ERLIN2: variants seen among roughly 807,000 people sequenced by gnomAD.
ERLIN2 encodes the protein ER lipid raft associated 2.
Under a neutral mutation model 41.5 loss-of-function variants are expected in ERLIN2, and 22 were observed. That is an observed-to-expected ratio of 0.53 (90% confidence interval 0.38 to 0.76). The LOEUF (loss-of-function observed/expected upper bound fraction) is 0.76, where lower values mean the gene tolerates loss of function less well. ERLIN2 is among the 30% of genes least tolerant of loss of function. The pLI, the probability that ERLIN2 is intolerant of heterozygous loss-of-function variation, is 0.00. For missense variants in ERLIN2, 247 were observed against 414.3 expected (o/e 0.60, Z 3.51); for synonymous variants, 149 against 150.9 (o/e 0.99, Z 0.09).
intron 10 of ERLIN2, among the ~76,000 whole-genome samples, chr8:37,752,817 G>A (rs1803252590): frequency 6.6e-6 from 1 of 152,220 alleles, no homozygotes; most frequent in South Asian, 2.1e-4. Flanking sequence ...ATCCAAACAC[G>A]TGTTGGTCTG....
intron 9 of ERLIN2, 71 bp downstream of exon 9, chr8:37,750,557 C>T: frequency 7.6e-7 from 1 of 1,324,140 alleles, no homozygotes; most frequent in South Asian, 1.2e-5. Flanking sequence ...TGCAAGGAGG[C>T]TAAGGCCTGG....
chr8:37,737,091 A>T, intron 1 of ERLIN2: 1 of 571,110 alleles, frequency 1.8e-6, no homozygotes, highest in Non-Finnish European at 2.2e-6. Flanking sequence ...TCACGGGCCC[A>T]CGCACGCACA....
At chr8:37,753,135 G>A (rs1313867665) in intron 10 of ERLIN2, among the ~76,000 whole-genome samples, 2 of 152,206 alleles carry the variant, frequency 1.3e-5, no homozygotes, top group African/African-American at 2.4e-5. Flanking sequence ...GACAGGAAGC[G>A]CTTCTGGCTA....
At chr8:37,745,402 A>C in intron 6 of ERLIN2, 1 of 678,320 alleles carries the variant, frequency 1.5e-6, no homozygotes, top group Non-Finnish European at 2.6e-6. Flanking sequence ...CCTTTTTCAA[A>C]GTAAAGGCAA....
rs1258010286 is a variant in ERLIN2, at chr8:37,755,578, C to G, written c.*1463C>G. The G allele has an allele frequency of 7.9e-6, 1 of 126,892 alleles. No individual in the cohort carries two copies. The highest frequency in any genetic ancestry group is 1.7e-5 in the Non-Finnish European group (1 of 58,164). 7.9% of individuals were successfully genotyped at this position (126,892 alleles called of 1,614,324 possible). A position where few individuals can be genotyped will look rare whatever the true frequency, so the allele number is the denominator to read the frequency against. On this transcript the variant is annotated 3_prime_UTR_variant, in exon 12 of 12. Coordinates refer to ENST00000519638, the MANE Select transcript of ERLIN2 (RefSeq NM_007175.8). Reference sequence around the variant, plus strand: ...CCACCCCCCACCCCCCACCCCCCCCCCCCGCCAACTCCTATACCCATCTTC... The same window carrying G: ...CCACCCCCCACCCCCCACCCCCCCCGCCCGCCAACTCCTATACCCATCTTC...
intron 4 of ERLIN2, among the ~76,000 whole-genome samples, chr8:37,743,649 G>A (rs966348225): frequency 1.3e-5 from 2 of 152,166 alleles, no homozygotes; most frequent in South Asian, 4.1e-4. Context: ...AATAAGGACT[G>A]GGTATTAGGT....
chr8:37,743,990 A>C (rs1802947371), intron 4 of ERLIN2, among the ~76,000 whole-genome samples: 1 of 152,244 alleles, frequency 6.6e-6, no homozygotes, highest in African/African-American at 2.4e-5. Context: ...TGATCATAAC[A>C]TTCCACAGTA....
chr8:37,749,746 C>T (rs774010729), intron 7 of ERLIN2, 48 bp from the exon 8 acceptor site: 6 of 1,593,104 alleles, frequency 3.8e-6, no homozygotes, highest in South Asian at 2.2e-5. Flanking sequence ...GGGTGTGTCC[C>T]TCACTACCCT....
At chr8:37,751,984 A>G (rs1803227959) in intron 10 of ERLIN2, among the ~76,000 whole-genome samples, 1 of 152,176 alleles carries the variant, frequency 6.6e-6, no homozygotes. Flanking sequence ...CATGAGAAAA[A>G]GGAAGTCCCG....
At position 37,751,601 on chromosome 8, in the gene ERLIN2, G is replaced by A. The variant is rs180908278; in HGVS notation, c.650-25G>A. The A allele has an allele frequency of 2.4e-4, 387 of 1,583,044 alleles. 1 individual carries two copies. The highest frequency in any genetic ancestry group is 9.0e-4 in the South Asian group (81 of 90,428). ...AGTCAAACTCTGAAATGCCAGAACC[G>A]TAATCCTCACTATCATTTATTCAGA... On this transcript the variant is annotated intron_variant, in intron 9 of 11. Transcript: ENST00000519638.
At chr8:37,745,187 CTG>C in intron 6 of ERLIN2, 2 of 466,128 alleles carry the variant, frequency 4.3e-6, no homozygotes, top group Non-Finnish European at 7.5e-6. Context: ...CCATGCAACA[CTG>C]AATGGAGGGC....
chr8:37,738,452 G>A lies in ERLIN2; in HGVS notation c.107+423G>A, dbSNP rs187231171. Among the ~76,000 whole-genome samples, 1,206 of 152,230 alleles carry A rather than the reference G, an allele frequency of 7.9e-3. 8 individuals carry two copies. Among genetic ancestry groups the A allele is most frequent in the Non-Finnish European group, 0.012 (806 of 68,016 alleles). ...ACACTGCTAGGTTACCTTTACAAAAGCCAGCTGAGTACCAGTTCTTGATGG... is the reference window on the plus strand; with the variant it reads ...ACACTGCTAGGTTACCTTTACAAAAACCAGCTGAGTACCAGTTCTTGATGG... On this transcript the variant is annotated intron_variant, in intron 2 of 11. Coordinates refer to ENST00000519638, the MANE Select transcript of ERLIN2 (RefSeq NM_007175.8).
chr8:37,747,788 C>T, intron 6 of ERLIN2: 1 of 1,613,724 alleles, frequency 6.2e-7, no homozygotes, highest in South Asian at 1.1e-5. Context: ...GTCTCTTCGT[C>T]TTCTGTGTTA....
intron 5 of ERLIN2, 29 bp from the exon 6 acceptor site, chr8:37,744,542 T>A: frequency 6.2e-7 from 1 of 1,614,134 alleles, no homozygotes; most frequent in Non-Finnish European, 8.5e-7. Context: ...TTGCCTTTTC[T>A]TATGCCAAGC....
At position 37,754,122 on chromosome 8, in the gene ERLIN2, C is replaced by T. The variant is rs1207937442; in HGVS notation, c.*7C>T. On this transcript the variant is annotated 3_prime_UTR_variant, in exon 12 of 12. Coordinates refer to ENST00000519638, the MANE Select transcript of ERLIN2 (RefSeq NM_007175.8). ...GGCCACTAAGGAGAATTGAAAAAAACTTGATATGACTGCAAATGATACTTA... is the reference window on the plus strand; with the variant it reads ...GGCCACTAAGGAGAATTGAAAAAAATTTGATATGACTGCAAATGATACTTA... 3 of 1,585,436 alleles carry T rather than the reference C, an allele frequency of 1.9e-6. No individual in the cohort carries two copies. Among genetic ancestry groups the T allele is most frequent in the East Asian group, 4.5e-5 (2 of 44,708 alleles).
chr8:37,737,961 T>C lies in ERLIN2; in HGVS notation c.39T>C (p.Ser13=), dbSNP rs368986092. ...QLGAVVAVAS[S]FFCASLFSAV... ...GAGCAGTTGTGGCTGTGGCTTCCAG[T>C]TTCTTTTGTGCATCTCTCTTCTCAG... is the stretch of plus-strand genomic sequence containing the variant. Residue 13 remains serine (S), a synonymous_variant, in exon 2 of 12, where the codon AGT becomes AGC. Coordinates refer to ENST00000519638, the MANE Select transcript of ERLIN2 (RefSeq NM_007175.8). The C allele has an allele frequency of 1.1e-5, 18 of 1,614,196 alleles. No individual in the cohort carries two copies. The highest frequency in any genetic ancestry group is 1.3e-5 in the Non-Finnish European group (15 of 1,180,010).
At position 37,757,222 on chromosome 8, in the gene ERLIN2, A is replaced by G. The variant is rs1585922106; in HGVS notation, c.*3107A>G. On this transcript the variant is annotated 3_prime_UTR_variant, in exon 12 of 12. Transcript: ENST00000519638. ...ATGGTCATACTTACTGACTTTATCT[A>G]TTTAAGTTTGATGGAGATAAACTAT... 3.9e-5 allele frequency: 6 copies of G among 152,342 alleles called. No homozygotes were observed. The highest frequency in any genetic ancestry group is 2.6e-4 in the Admixed American group (4 of 15,304). The allele number at this position is 152,342 out of a possible 1,614,324, so 9.4% of individuals were successfully genotyped here.
At chr8:37,745,041 G>T (rs575972008) in intron 6 of ERLIN2, 2 of 589,838 alleles carry the variant, frequency 3.4e-6, no homozygotes, top group East Asian at 5.5e-5. Context: ...GAACCTTAGA[G>T]ATTGTCCAGA....
intron 4 of ERLIN2, 49 bp from the exon 5 acceptor site, chr8:37,744,306 C>T (rs1233920276): frequency 6.7e-7 from 1 of 1,490,666 alleles, no homozygotes. Context: ...GGGACTGCAC[C>T]ATATTCTAAG....
Sources: gnomAD v4.1 joint callset for allele counts (sites outside exome capture counted in the v4.1 genomes callset) on GRCh38, gnomAD v4.1.1 for gene constraint, MANE v1.5 for transcripts, NCBI Gene and HGNC (gene_info 2026-07-23, HGNC 2026-07-21) for gene names.